The following SLC14A2 variants were observed in gnomAD, a reference collection of about 807,000 sequenced individuals.
The protein encoded by SLC14A2 is solute carrier family 14 member 2.
A neutral mutation model predicts 104.6 loss-of-function variants in SLC14A2; 91 were observed. The ratio of observed to expected loss-of-function variants is 0.87; its 90% CI spans 0.73 to 1.04. The LOEUF (loss-of-function observed/expected upper bound fraction) is 1.04, where lower values mean the gene tolerates loss of function less well. SLC14A2 is among the 50% of genes least tolerant of loss of function. SLC14A2 has a pLI of 0.00. For synonymous variants in SLC14A2, 476 were observed against 466.4 expected (o/e 1.02, Z -0.27); for missense variants, 1,189 against 1,156.0 (o/e 1.03, Z -0.41).
At chr18:45,675,768 T>C (rs1387617438) in intron 18 of SLC14A2, among the ~76,000 whole-genome samples, 3 of 144,656 alleles carry the variant, frequency 2.1e-5, no homozygotes, top group Non-Finnish European at 1.5e-5. Flanking sequence ...AGGCTGGTCG[T>C]GGGCTCAAGT....
intron 2 of SLC14A2, among the ~76,000 whole-genome samples, chr18:45,523,662 A>C (rs2043550517): frequency 6.6e-6 from 1 of 151,634 alleles, no homozygotes; most frequent in Non-Finnish European, 1.5e-5. Context: ...AACCCCACGA[A>C]ATCTCCCCTG....
intron 1 of SLC14A2, among the ~76,000 whole-genome samples, chr18:45,451,764 G>A (rs1322667268): frequency 6.6e-6 from 1 of 152,092 alleles, no homozygotes; most frequent in East Asian, 1.9e-4. Flanking sequence ...TACACCAGAT[G>A]ACTCCTAAAT....
intron 1 of SLC14A2, among the ~76,000 whole-genome samples, chr18:45,324,208 CA>C (rs1406385741): frequency 6.6e-6 from 1 of 152,144 alleles, no homozygotes; most frequent in Non-Finnish European, 1.5e-5. Context: ...TAAGGATCCT[CA>C]GTAGTGAACC....
At position 45,639,650 on chromosome 18, in the gene SLC14A2, C is replaced by T. The variant is rs938392965; in HGVS notation, c.844-96C>T. On this transcript the variant is annotated intron_variant, in intron 6 of 19. Coordinates refer to ENST00000255226, the MANE Select transcript of SLC14A2 (RefSeq NM_007163.4). ...GTACAGTCATCCTCCCGTTCCACTCCATTACTCCCCCGAGGAATGGCTCAA... is the reference window on the plus strand; with the variant it reads ...GTACAGTCATCCTCCCGTTCCACTCTATTACTCCCCCGAGGAATGGCTCAA... 2.4e-6 allele frequency: 3 copies of T among 1,229,058 alleles called. No homozygotes were observed. In the African/African-American group the frequency reaches 4.4e-5, roughly 18 times the overall value. The allele number at this position is 1,229,058 out of a possible 1,614,324, so 76.1% of individuals were successfully genotyped here.
At position 45,226,472 on chromosome 18, in the gene SLC14A2, T is replaced by C. The variant is rs544824884; in HGVS notation, c.-125+13281T>C. 2.7e-3 allele frequency among the ~76,000 whole-genome samples: 414 copies of C among 152,128 alleles called. 4 individuals carry two copies. The highest frequency in any genetic ancestry group is 9.5e-3 in the African/African-American group (393 of 41,494). ...AAGAAAATGTGGCATATATACACCA[T>C]GGAATACTATGCAGCCATAAAAAAG... On this transcript the variant is annotated intron_variant, in intron 1 of 20. Coordinates refer to the SLC14A2 transcript ENST00000586448.
the SLC14A2 span, among the ~76,000 whole-genome samples, chr18:45,182,684 A>G: frequency 6.6e-6 from 1 of 152,104 alleles, no homozygotes; most frequent in Non-Finnish European, 1.5e-5. Flanking sequence ...ACAAAAATAT[A>G]TAAAGCAACA....
At chr18:45,420,856 T>C (rs2086337858) in intron 1 of SLC14A2, among the ~76,000 whole-genome samples, 1 of 151,868 alleles carries the variant, frequency 6.6e-6, no homozygotes, top group South Asian at 2.1e-4. Flanking sequence ...TTCTCCCGCC[T>C]CAACCTCCCG....
intron 1 of SLC14A2, among the ~76,000 whole-genome samples, chr18:45,429,026 G>A (rs1457755553): frequency 6.6e-6 from 1 of 152,162 alleles, no homozygotes; most frequent in African/African-American, 2.4e-5. Flanking sequence ...ACAAAGACAG[G>A]AAGAGAGTAA....
intron 2 of SLC14A2, among the ~76,000 whole-genome samples, chr18:45,551,569 T>G (rs2044056866): frequency 6.6e-6 from 1 of 152,034 alleles, no homozygotes; most frequent in Non-Finnish European, 1.5e-5. Context: ...TTCCTCTATG[T>G]TGGGAGAAAG....
At chr18:45,215,581 GA>G (rs1372044351) in intron 1 of SLC14A2, among the ~76,000 whole-genome samples, 2 of 152,232 alleles carry the variant, frequency 1.3e-5, no homozygotes, top group Non-Finnish European at 2.9e-5. Flanking sequence ...TCCCCCAAGG[GA>G]AATATCCATT....
chr18:45,672,096 T>G (rs1030266990), intron 16 of SLC14A2, among the ~76,000 whole-genome samples: 1 of 152,222 alleles, frequency 6.6e-6, no homozygotes, highest in African/African-American at 2.4e-5. Flanking sequence ...TACCTTCTCC[T>G]GGCCGCTCCT....
chr18:45,643,980 T>C lies in SLC14A2; in HGVS notation c.1177-6T>C. On this transcript the variant is annotated splice_region_variant and splice_polypyrimidine_tract_variant and intron_variant, in intron 9 of 19. Transcript: ENST00000255226. ...CTTCTTCAGTCCCCAATGCTTTTGT[T>C]TCCAGGTGGGCGTGCCACCAGGCAC... 6.2e-7 allele frequency: 1 copy of C among 1,613,472 alleles called. No homozygotes were observed. Among genetic ancestry groups the C allele is most frequent in the Non-Finnish European group, 8.5e-7 (1 of 1,179,552 alleles).
In SLC14A2 at chr18:45,597,949, G is replaced by A. The variant is rs904704386; in HGVS notation, c.-34-26682G>A. On this transcript the variant is annotated intron_variant, in intron 2 of 20. Transcript: ENST00000586448. ...GGCCTGAGCCACCAGGTAAGTGACAGTCCCTTGTACTGAGACTGGGGAGCC... is the reference window on the plus strand; with the variant it reads ...GGCCTGAGCCACCAGGTAAGTGACAATCCCTTGTACTGAGACTGGGGAGCC... Among the ~76,000 whole-genome samples, 12 of 152,308 alleles carry A rather than the reference G, an allele frequency of 7.9e-5. 2 individuals are homozygous for A. The Middle Eastern group carries it at 0.014, about 173-fold the overall frequency.
At chr18:45,604,322 C>T (rs1237907213) in intron 2 of SLC14A2, among the ~76,000 whole-genome samples, 3 of 152,168 alleles carry the variant, frequency 2.0e-5, no homozygotes, top group African/African-American at 7.2e-5. Context: ...GGCATGTTAC[C>T]ATAGCCTCCT....
intron 1 of SLC14A2, among the ~76,000 whole-genome samples, chr18:45,422,650 T>A (rs868481443): frequency 2.6e-5 from 4 of 152,008 alleles, no homozygotes; most frequent in African/African-American, 9.6e-5. Flanking sequence ...CTGGGGAGGA[T>A]CCTACAGAGA....
chr18:45,227,184 A>T (rs148939747), intron 1 of SLC14A2, among the ~76,000 whole-genome samples: 1 of 152,312 alleles, frequency 6.6e-6, no homozygotes, highest in East Asian at 1.9e-4. Flanking sequence ...CCCAGCTGAA[A>T]GACAGGCTGA....
At chr18:45,442,737 T>C (rs2086699976) in intron 1 of SLC14A2, among the ~76,000 whole-genome samples, 1 of 152,216 alleles carries the variant, frequency 6.6e-6, no homozygotes, top group South Asian at 2.1e-4. Flanking sequence ...GTGAGATGTA[T>C]ATAAAGCTTA....
the SLC14A2 span, among the ~76,000 whole-genome samples, chr18:45,178,277 T>G: frequency 1.2e-4 from 17 of 142,576 alleles, 1 homozygote; most frequent in South Asian, 3.5e-3. Flanking sequence ...AAAACAGTTT[T>G]GCATTCTTAA....
chr18:45,465,131 T>C (rs1223584808), intron 1 of SLC14A2, among the ~76,000 whole-genome samples: 1 of 151,720 alleles, frequency 6.6e-6, no homozygotes, highest in Non-Finnish European at 1.5e-5. Context: ...AAAAAACACA[T>C]ACAGAGTGAG....
Sources: allele counts gnomAD v4.1 joint callset (sites outside exome capture counted in the v4.1 genomes callset), GRCh38; gene constraint gnomAD v4.1.1; transcripts MANE v1.5; gene names NCBI Gene and HGNC (gene_info 2026-07-23, HGNC 2026-07-21).